The following ACSS2 variants were observed in gnomAD, a reference collection of about 807,000 sequenced individuals.
ACSS2 encodes acyl-CoA synthetase short chain family member 2, also known as acetyl-coenzyme A synthetase, cytoplasmic.
ACSS2 carries 58 observed loss-of-function variants against 90.6 expected under a neutral mutation model. The observed-to-expected ratio is 0.64, with a 90% CI of 0.52 to 0.80. The LOEUF (loss-of-function observed/expected upper bound fraction) is 0.80, where lower values mean the gene tolerates loss of function less well. Among genes scored for constraint, ACSS2 ranks in the 30% least tolerant of loss-of-function variants. The probability of loss-of-function intolerance (pLI) is 0.00; values close to 1 mark genes in which losing one functional copy is unlikely to be tolerated. For missense variants in ACSS2, 759 were observed against 912.0 expected (o/e 0.83, Z 2.16); for synonymous variants, 300 against 330.9 (o/e 0.91, Z 1.01).
Position 34,920,616 on chromosome 20 carries a change from G to T in ACSS2, c.1050G>T (p.Glu350Asp). Reference sequence around the variant, plus strand: ...AGTATGTGTTTGACTTCCATGCAGAGGATGTGTTCTGGTGCACGGCAGACA... The same window carrying T: ...AGTATGTGTTTGACTTCCATGCAGATGATGTGTTCTGGTGCACGGCAGACA... ...TFKYVFDFHA[E>D]DVFWCTADIG... The change falls in exon 9 of 18, where the codon GAG (glutamate) becomes GAT (aspartate). Residue 350 changes from glutamate (E) to aspartate (D), a missense_variant. Coordinates refer to ENST00000360596, the MANE Select transcript of ACSS2 (RefSeq NM_018677.4). 1 of 1,614,216 alleles carries T rather than the reference G, an allele frequency of 6.2e-7. No homozygotes were observed. The highest frequency in any genetic ancestry group is 8.5e-7 in the Non-Finnish European group (1 of 1,180,038).
chr20:34,918,048 C>T (rs1453485059), intron 7 of ACSS2, among the ~76,000 whole-genome samples: 6 of 152,154 alleles, frequency 3.9e-5, no homozygotes, highest in East Asian at 1.9e-4. Flanking sequence ...TGAGCCACCG[C>T]GCCCAGCCCC....
upstream of ACSS2, among the ~76,000 whole-genome samples, chr20:34,875,487 T>G (rs1242234754): frequency 6.6e-6 from 1 of 152,164 alleles, no homozygotes; most frequent in Admixed American, 6.5e-5. Context: ...GAGAATTGCT[T>G]GAATCCAGGA....
chr20:34,903,064 C>G (rs972971063), intron 2 of ACSS2, among the ~76,000 whole-genome samples: 1 of 150,846 alleles, frequency 6.6e-6, no homozygotes, highest in Non-Finnish European at 1.5e-5. Context: ...ATTCTGTGGC[C>G]GGGTGCAGTG....
chr20:34,913,545 G>T, intron 4 of ACSS2, 49 bp downstream of exon 4: 1 of 1,560,434 alleles, frequency 6.4e-7, no homozygotes. Flanking sequence ...GTGGGGCTCT[G>T]GAGAAGTAGG....
intron 2 of ACSS2, among the ~76,000 whole-genome samples, chr20:34,899,576 G>A (rs1601322665): frequency 2.7e-5 from 4 of 150,604 alleles, no homozygotes; most frequent in South Asian, 2.1e-4. Context: ...TGCAACCTCC[G>A]CCTCCCGGGT....
At chr20:34,875,060 T>C (rs534921135), upstream of ACSS2, 31 of 534,714 alleles carry the variant, frequency 5.8e-5, no homozygotes, top group East Asian at 1.7e-3. Context: ...TGGAGTTAGA[T>C]ATTTAAGAAT....
rs1419950372 is a variant in ACSS2 at position 34,914,162 on chromosome 20, G to A, written c.710G>A (p.Cys237Tyr). 2 of 1,614,196 alleles carry A rather than the reference G, an allele frequency of 1.2e-6. No individual in the cohort carries two copies. The highest frequency in any genetic ancestry group is 1.1e-5 in the South Asian group (1 of 91,080). Residue 237 changes from cysteine to tyrosine, a missense_variant, in exon 6 of 18, where the codon TGT becomes TAT. Coordinates refer to ENST00000360596, the MANE Select transcript of ACSS2 (RefSeq NM_018677.4). ...KELADEALQK[C>Y]QEKGFPVRCC... Reference sequence around the variant, plus strand: ...CTGGCTGACGAGGCCCTGCAGAAGTGTCAGGAGAAGTAAGTGTGTTTGGCT... The same window carrying A: ...CTGGCTGACGAGGCCCTGCAGAAGTATCAGGAGAAGTAAGTGTGTTTGGCT...
chr20:34,875,850 T>C (rs945174009), upstream of ACSS2: 1 of 152,430 alleles, frequency 6.6e-6, no homozygotes, highest in African/African-American at 2.4e-5. Flanking sequence ...TCTTGTACTT[T>C]AGATCTGGAT....
chr20:34,921,696 G>A, intron 12 of ACSS2, 90 bp from the exon 13 acceptor site: 2 of 1,609,664 alleles, frequency 1.2e-6, no homozygotes, highest in Non-Finnish European at 1.7e-6. Context: ...ACTGACATGT[G>A]TGAAGAATTT....
rs1012042626 is a variant in ACSS2 at position 34,881,284 on chromosome 20, G to T, written c.179-1510G>T. Among the ~76,000 whole-genome samples, 159 of 150,746 alleles carry T rather than the reference G, an allele frequency of 1.1e-3. 2 individuals are homozygous for T. Among genetic ancestry groups the T allele is most frequent in the Middle Eastern group, 0.01 (3 of 294 alleles). ...ACTCCTGATTTCAGGTGATCCGCCC[G>T]CCTTGGCCTCCCAAAGTGCTAGGAT... On this transcript the variant is annotated intron_variant, in intron 1 of 17. Coordinates refer to ENST00000360596, the MANE Select transcript of ACSS2 (RefSeq NM_018677.4).
chr20:34,889,037 C>A (rs558949549), intron 2 of ACSS2, among the ~76,000 whole-genome samples: 36 of 150,520 alleles, frequency 2.4e-4, no homozygotes, highest in African/African-American at 8.1e-4. Flanking sequence ...CAGAGTCTCG[C>A]TCTGTTGCCC....
chr20:34,920,787 C>A, intron 9 of ACSS2, 78 bp downstream of exon 9: 1 of 1,517,984 alleles, frequency 6.6e-7, no homozygotes, highest in Non-Finnish European at 8.9e-7. Context: ...GCTGCTTGGT[C>A]TAGAGGGAGG....
At chr20:34,899,420 TTC>T (rs1555882546) in intron 2 of ACSS2, among the ~76,000 whole-genome samples, 1 of 65,914 alleles carries the variant, frequency 1.5e-5, no homozygotes, top group Admixed American at 1.2e-4. Flanking sequence ...CTTTCTTTCT[TTC>T]TTTCCTTCCT....
chr20:34,926,372 C>A, intron 16 of ACSS2, 91 bp downstream of exon 16: 1 of 1,412,738 alleles, frequency 7.1e-7, no homozygotes, highest in Non-Finnish European at 9.6e-7. Context: ...GAGCAAGCTG[C>A]TCCCCAAACC....
rs533154177 is a variant in ACSS2 at position 34,895,454 on chromosome 20, T to C, written c.374+12465T>C. Among the ~76,000 whole-genome samples, 26 of 152,328 alleles carry C rather than the reference T, an allele frequency of 1.7e-4. No individual in the cohort carries two copies. The South Asian group carries it at 5.4e-3, about 32-fold the overall frequency. On this transcript the variant is annotated intron_variant, in intron 2 of 17. Coordinates refer to ENST00000360596, the MANE Select transcript of ACSS2 (RefSeq NM_018677.4). The stretch of plus-strand genomic sequence containing the variant: ...TATGACTCTGTGATAACTGTTTCAC[T>C]TCTGAGTTGTAATTCTAAGAGATAT...
intron 2 of ACSS2, among the ~76,000 whole-genome samples, chr20:34,890,599 G>C (rs953852808): frequency 1.1e-4 from 17 of 152,164 alleles, no homozygotes; most frequent in Admixed American, 1.1e-3. Flanking sequence ...TAGCTACTCA[G>C]TCTCTACTTT....
At chr20:34,879,406 A>G (rs924529960) in intron 1 of ACSS2, among the ~76,000 whole-genome samples, 1 of 151,820 alleles carries the variant, frequency 6.6e-6, no homozygotes, top group Non-Finnish European at 1.5e-5. Context: ...CTTCCAATAG[A>G]GCATTCACTG....
upstream of ACSS2, among the ~76,000 whole-genome samples, chr20:34,876,096 G>A (rs1344736010): frequency 6.6e-6 from 1 of 152,128 alleles, no homozygotes; most frequent in African/African-American, 2.4e-5. Flanking sequence ...TCAGATCACG[G>A]GGCGGCTCCG....
At position 34,919,576 on chromosome 20, in the gene ACSS2, A is replaced by AGTGTGTGTGTGTGTGT. The variant is rs59343003; in HGVS notation, c.972+33_972+48dup. 11 of 1,475,194 alleles carry AGTGTGTGTGTGTGTGT rather than the reference A, an allele frequency of 7.5e-6. No individual in the cohort carries two copies. In the Admixed American group the frequency reaches 9.3e-5, roughly 12 times the overall value. The allele number at this position is 1,475,194 out of a possible 1,614,324, so 91.4% of individuals were successfully genotyped here. On this transcript the variant is annotated splice_donor_region_variant and intron_variant, in intron 8 of 17. Transcript: ENST00000360596. ...TGGCTCCACAGGCAAACCCAAGGCAAGTGTGTGTGTGTGTGTGTGTGTGTG... is the reference window on the plus strand; with the variant it reads ...TGGCTCCACAGGCAAACCCAAGGCAAGTGTGTGTGTGTGTGTGTGTGTGTGTGTGTGTGTGTGTGTG...
Sources: allele counts gnomAD v4.1 joint callset (sites outside exome capture counted in the v4.1 genomes callset), GRCh38; gene constraint gnomAD v4.1.1; transcripts MANE v1.5; gene names NCBI Gene and HGNC (gene_info 2026-07-23, HGNC 2026-07-21).